The following MAF variants were observed in gnomAD, a reference collection of about 807,000 sequenced individuals.
MAF encodes transcription factor Maf.
A neutral mutation model predicts 22.0 loss-of-function variants in MAF; 10 were observed. The ratio of observed to expected loss-of-function variants is 0.45; its 90% CI spans 0.28 to 0.77. The LOEUF is 0.77. Among genes scored for constraint, MAF ranks in the 30% least tolerant of loss-of-function variants. The probability of loss-of-function intolerance (pLI) is 0.12; values close to 1 mark genes in which losing one functional copy is unlikely to be tolerated. For missense variants in MAF, 544 were observed against 548.4 expected (o/e 0.99, Z 0.08); for synonymous variants, 337 against 255.8 (o/e 1.32, Z -3.03).
At chr16:79,211,861 G>A in the MAF span, 1 of 1,602,858 alleles carries the variant, frequency 6.2e-7, no homozygotes, top group Middle Eastern at 1.7e-4. Context: ...CAAGTGCCAG[G>A]GCTGGGCCCC....
chr16:79,449,519 G>C, the MAF span, among the ~76,000 whole-genome samples: 10 of 152,252 alleles, frequency 6.6e-5, no homozygotes, highest in East Asian at 1.2e-3. Flanking sequence ...TCCTGCTAGA[G>C]AAATTAAAAT....
At chr16:79,528,078 G>T in the MAF span, among the ~76,000 whole-genome samples, 1 of 152,144 alleles carries the variant, frequency 6.6e-6, no homozygotes, top group African/African-American at 2.4e-5. Context: ...GGAGGTGGAG[G>T]TTGCAGTGAG....
At chr16:79,357,145 A>C in the MAF span, among the ~76,000 whole-genome samples, 2 of 152,128 alleles carry the variant, frequency 1.3e-5, no homozygotes, top group African/African-American at 4.8e-5. Flanking sequence ...AGTCCCAGCT[A>C]TTTGGGAGGC....
At chr16:79,372,627 C>T in the MAF span, among the ~76,000 whole-genome samples, 102 of 152,320 alleles carry the variant, frequency 6.7e-4, 2 homozygotes, top group Middle Eastern at 0.01. Flanking sequence ...AGGCAGGCTG[C>T]GGTCTGGCGG....
the MAF span, among the ~76,000 whole-genome samples, chr16:79,445,584 T>C: frequency 6.6e-6 from 1 of 152,294 alleles, no homozygotes; most frequent in Non-Finnish European, 1.5e-5. Context: ...TCCACTGCAC[T>C]CCACTGGCCA....
At chr16:79,347,425 AG>A in the MAF span, among the ~76,000 whole-genome samples, 2 of 152,216 alleles carry the variant, frequency 1.3e-5, no homozygotes, top group Non-Finnish European at 2.9e-5. Context: ...AGAGTTGACA[AG>A]GAGCATCGGC....
chr16:79,384,059 T>G, the MAF span, among the ~76,000 whole-genome samples: 1 of 152,294 alleles, frequency 6.6e-6, no homozygotes, highest in East Asian at 1.9e-4. Context: ...AGATCAAGGC[T>G]GAGGGGGCTC....
At chr16:79,532,259 A>G in the MAF span, among the ~76,000 whole-genome samples, 2 of 152,182 alleles carry the variant, frequency 1.3e-5, no homozygotes, top group Non-Finnish European at 2.9e-5. Flanking sequence ...AGAAGAACCA[A>G]GGCAGGAGGG....
chr16:79,494,956 C>T, the MAF span, among the ~76,000 whole-genome samples: 1 of 152,132 alleles, frequency 6.6e-6, no homozygotes. Flanking sequence ...AAGGGTGCAA[C>T]TTAGGAACAG....
At chr16:79,399,356 G>A in the MAF span, among the ~76,000 whole-genome samples, 1 of 152,290 alleles carries the variant, frequency 6.6e-6, no homozygotes, top group East Asian at 1.9e-4. Context: ...ATCATCACAT[G>A]TCTTGAAAGG....
the MAF span, among the ~76,000 whole-genome samples, chr16:79,436,885 C>A: frequency 6.6e-6 from 1 of 152,204 alleles, no homozygotes; most frequent in Non-Finnish European, 1.5e-5. Flanking sequence ...CAACACTTAG[C>A]GCAGGCAGGC....
chr16:79,487,507 G>T, the MAF span, among the ~76,000 whole-genome samples: 4 of 152,106 alleles, frequency 2.6e-5, no homozygotes, highest in African/African-American at 9.7e-5. Context: ...ATGATTGAAA[G>T]AAGGCATTTT....
At chr16:79,335,309 C>A in the MAF span, among the ~76,000 whole-genome samples, 1 of 152,026 alleles carries the variant, frequency 6.6e-6, no homozygotes, top group Non-Finnish European at 1.5e-5. Context: ...ATTCTTTATG[C>A]AATTTCTATT....
the MAF span, among the ~76,000 whole-genome samples, chr16:79,379,270 G>A: frequency 3.9e-5 from 6 of 152,190 alleles, no homozygotes; most frequent in African/African-American, 9.6e-5. Flanking sequence ...TCTGAGTGTC[G>A]TGATCTGTTA....
At chr16:79,343,555 G>T in the MAF span, among the ~76,000 whole-genome samples, 1 of 152,120 alleles carries the variant, frequency 6.6e-6, no homozygotes, top group Non-Finnish European at 1.5e-5. Flanking sequence ...AGATTGCCTG[G>T]TCTGTATCAT....
At chr16:79,391,633 TC>T in the MAF span, among the ~76,000 whole-genome samples, 2 of 151,824 alleles carry the variant, frequency 1.3e-5, no homozygotes, top group Non-Finnish European at 2.9e-5. Context: ...TGAGTTCAGG[TC>T]CCCCCGGGGT....
the MAF span, among the ~76,000 whole-genome samples, chr16:79,376,777 T>C: frequency 1.3e-5 from 2 of 152,222 alleles, no homozygotes; most frequent in Non-Finnish European, 2.9e-5. Context: ...ACGTGGTGTT[T>C]GTTTTTTGTC....
chr16:79,521,755 G>T, the MAF span, among the ~76,000 whole-genome samples: 4 of 152,064 alleles, frequency 2.6e-5, no homozygotes, highest in Non-Finnish European at 4.4e-5. Context: ...ATTTCAATAG[G>T]ACAGCTCATT....
At chr16:79,480,472 T>C in the MAF span, among the ~76,000 whole-genome samples, 1 of 152,162 alleles carries the variant, frequency 6.6e-6, no homozygotes, top group African/African-American at 2.4e-5. Context: ...AGTCTTCCTC[T>C]AAGCCACAGC....
Sources: allele counts gnomAD v4.1 joint callset (sites outside exome capture counted in the v4.1 genomes callset), GRCh38; gene constraint gnomAD v4.1.1; transcripts MANE v1.5; gene names NCBI Gene and HGNC (gene_info 2026-07-23, HGNC 2026-07-21).